DAB1: variants seen among roughly 807,000 people sequenced by gnomAD.
DAB1 encodes DAB adaptor protein 1.
DAB1 carries 15 observed loss-of-function variants against 64.6 expected under a neutral mutation model. The observed-to-expected ratio is 0.23, with a 90% CI of 0.16 to 0.36. The LOEUF is 0.36. DAB1 is among the 10% of genes least tolerant of loss of function. The pLI is 1.00. For missense variants in DAB1, 596 were observed against 706.7 expected, an observed-to-expected ratio of 0.84 and a Z score of 1.78; for synonymous variants, 235 against 251.9, an observed-to-expected ratio of 0.93 and a Z score of 0.64.
At chr1:57,111,470 A>G (rs574964091) in intron 4 of DAB1, among the ~76,000 whole-genome samples, 1 of 152,246 alleles carries the variant, frequency 6.6e-6, no homozygotes, top group South Asian at 2.1e-4. Flanking sequence ...TGTTTTATCT[A>G]CACCAATTTC....
At chr1:57,926,389 A>C (rs2102030222) in intron 5 of DAB1, among the ~76,000 whole-genome samples, 1 of 152,312 alleles carries the variant, frequency 6.6e-6, no homozygotes, top group East Asian at 1.9e-4. Flanking sequence ...CCTACCAAGA[A>C]CTTGCAGGTT....
At chr1:57,031,993 C>T (rs1646979544) in intron 9 of DAB1, among the ~76,000 whole-genome samples, 1 of 152,158 alleles carries the variant, frequency 6.6e-6, no homozygotes, top group East Asian at 1.9e-4. Context: ...GGTAGTCCCC[C>T]AGTATCTCCA....
chr1:57,760,700 T>C (rs1649047130), intron 6 of DAB1, among the ~76,000 whole-genome samples: 1 of 151,788 alleles, frequency 6.6e-6, no homozygotes, highest in South Asian at 2.1e-4. Flanking sequence ...GTCGGCAGTC[T>C]GGGGTCCAAT....
At chr1:58,375,410 A>C (rs1170451242) in intron 3 of DAB1, among the ~76,000 whole-genome samples, 2 of 134,348 alleles carry the variant, frequency 1.5e-5, no homozygotes, top group South Asian at 2.5e-4. Context: ...AATTTTGTCA[A>C]AGGCTTTTTC....
At chr1:57,032,641 G>A (rs1003174137) in intron 9 of DAB1, among the ~76,000 whole-genome samples, 3 of 152,122 alleles carry the variant, frequency 2.0e-5, no homozygotes, top group Non-Finnish European at 4.4e-5. Flanking sequence ...AATTATTGAT[G>A]CCTGGTTCCC....
chr1:58,011,507 T>A (rs1646668156), intron 5 of DAB1, among the ~76,000 whole-genome samples: 2 of 152,240 alleles, frequency 1.3e-5, no homozygotes, highest in African/African-American at 4.8e-5. Flanking sequence ...ACTAGTTTAG[T>A]GGCACAGTCA....
intron 5 of DAB1, among the ~76,000 whole-genome samples, chr1:57,977,009 C>T (rs1471638813): frequency 2.0e-5 from 3 of 152,172 alleles, no homozygotes; most frequent in Admixed American, 6.5e-5. Context: ...CTCCCAATCA[C>T]CAGAAATGGA....
chr1:57,684,656 C>T (rs1363562231), intron 6 of DAB1, among the ~76,000 whole-genome samples: 1 of 152,126 alleles, frequency 6.6e-6, no homozygotes, highest in African/African-American at 2.4e-5. Context: ...ACACCTTCTA[C>T]CACAAAAACG....
At chr1:57,806,075 A>G (rs1191676202) in intron 6 of DAB1, among the ~76,000 whole-genome samples, 1 of 152,174 alleles carries the variant, frequency 6.6e-6, no homozygotes, top group African/African-American at 2.4e-5. Flanking sequence ...CACATTTCAC[A>G]GAGGAAAAGC....
intron 4 of DAB1, among the ~76,000 whole-genome samples, chr1:57,098,168 GAT>G (rs1654346055): frequency 6.6e-6 from 1 of 152,126 alleles, no homozygotes; most frequent in Admixed American, 6.5e-5. Flanking sequence ...TTCCCATTTT[GAT>G]TATTCTTTAC....
At position 58,227,851 on chromosome 1, in the gene DAB1, C is replaced by T. The variant is rs1459451510; in HGVS notation, n.310-77263G>A. On this transcript the variant is annotated intron_variant and non_coding_transcript_variant, in intron 4 of 20. Coordinates refer to the DAB1 transcript ENST00000485760. ...AATGTATAATGCTTGGATGGCCTGA[C>T]AAAACAGTTTCTGAGATTTATTTCT... 2.0e-4 allele frequency among the ~76,000 whole-genome samples: 31 copies of T among 152,172 alleles called. 1 individual carries two copies. The highest frequency in any genetic ancestry group is 2.0e-3 in the Admixed American group (31 of 15,270).
chr1:58,410,682 C>T (rs1234577993), intron 3 of DAB1, among the ~76,000 whole-genome samples: 5 of 152,268 alleles, frequency 3.3e-5, no homozygotes, highest in African/African-American at 1.2e-4. Flanking sequence ...CTGTGATGCC[C>T]CCCTAATTAC....
At chr1:58,189,828 C>G (rs1216863963) in intron 4 of DAB1, among the ~76,000 whole-genome samples, 1 of 152,232 alleles carries the variant, frequency 6.6e-6, no homozygotes, top group Admixed American at 6.5e-5. Flanking sequence ...TCCCTTCCTC[C>G]CATGCTCTGA....
intron 4 of DAB1, among the ~76,000 whole-genome samples, chr1:57,104,397 T>C (rs1045321521): frequency 2.6e-5 from 4 of 152,186 alleles, no homozygotes; most frequent in Non-Finnish European, 4.4e-5. Context: ...ATTTTTATAA[T>C]CTGCACCAGT....
In DAB1 at chr1:57,877,855, C is replaced by T. The variant is rs1332924221; in HGVS notation, n.87+6144G>A. Among the ~76,000 whole-genome samples the T allele has an allele frequency of 8.8e-5, 2 of 22,790 alleles. 1 individual carries two copies. The highest frequency in any genetic ancestry group is 1.7e-4 in the Non-Finnish European group (2 of 11,704). The allele number at this position is 22,790 out of a possible 152,430, so 15.0% of individuals were successfully genotyped here. A position where few individuals can be genotyped will look rare whatever the true frequency, so the allele number is the denominator to read the frequency against. Reference sequence around the variant, plus strand: ...CTGGGATTACAGGCGTGAGCCACCGCGCCCGGCCGATTTATTTTTTATAAT... The same window carrying T: ...CTGGGATTACAGGCGTGAGCCACCGTGCCCGGCCGATTTATTTTTTATAAT... On this transcript the variant is annotated intron_variant and non_coding_transcript_variant, in intron 1 of 1. Coordinates refer to the DAB1 transcript ENST00000477280.
At chr1:57,059,239 T>C (rs879477669) in intron 9 of DAB1, among the ~76,000 whole-genome samples, 6 of 152,166 alleles carry the variant, frequency 3.9e-5, no homozygotes, top group Admixed American at 6.5e-5. Context: ...TTTTGGTAGA[T>C]AATAACATAG....
intron 1 of DAB1, among the ~76,000 whole-genome samples, chr1:58,544,707 C>T (rs1180750996): frequency 6.6e-6 from 1 of 152,134 alleles, no homozygotes; most frequent in Non-Finnish European, 1.5e-5. Context: ...AATTCTCGTG[C>T]CTCAGTCTCC....
chr1:57,996,191 A>G (rs139700532), intron 5 of DAB1, among the ~76,000 whole-genome samples: 3 of 152,250 alleles, frequency 2.0e-5, no homozygotes, highest in Non-Finnish European at 4.4e-5. Flanking sequence ...CCCGGGAGGC[A>G]GAGGAGGCAA....
intron 6 of DAB1, among the ~76,000 whole-genome samples, chr1:57,772,989 T>C (rs1649628460): frequency 6.6e-6 from 1 of 151,988 alleles, no homozygotes; most frequent in Non-Finnish European, 1.5e-5. Context: ...TGTAAATGAA[T>C]GCAGAAATTG....
Sources: gnomAD v4.1 joint callset for allele counts (sites outside exome capture counted in the v4.1 genomes callset) on GRCh38, gnomAD v4.1.1 for gene constraint, MANE v1.5 for transcripts, NCBI Gene and HGNC (gene_info 2026-07-23, HGNC 2026-07-21) for gene names.